The following OAT variants were observed in gnomAD, a reference collection of about 807,000 sequenced individuals.
The protein encoded by OAT is ornithine aminotransferase, mitochondrial.
Under a neutral mutation model 48.4 loss-of-function variants are expected in OAT, and 35 were observed. The ratio of observed to expected loss-of-function variants is 0.72; its 90% CI spans 0.55 to 0.96. The LOEUF is 0.96. Among genes scored for constraint, OAT ranks in the 40% least tolerant of loss-of-function variants. OAT has a pLI of 0.00. For synonymous variants in OAT, 182 were observed against 198.4 expected (o/e 0.92, Z 0.70); for missense variants, 438 against 537.9 (o/e 0.81, Z 1.84).
At chr10:124,400,285 C>A (rs942557188) in intron 9 of OAT, among the ~76,000 whole-genome samples, 3 of 149,566 alleles carry the variant, frequency 2.0e-5, no homozygotes, top group African/African-American at 7.4e-5. Flanking sequence ...CCATCTCTAC[C>A]AAAAATACAA....
chr10:124,403,900 A>G lies in OAT; in HGVS notation c.669T>C (p.Asn223=), dbSNP rs199515731. The change falls in exon 6 of 10, where the codon AAT becomes AAC. Residue 223 remains asparagine (N), a synonymous_variant. Coordinates refer to ENST00000368845, the MANE Select transcript of OAT (RefSeq NM_000274.4). ...PALERALQDP[N]VAAFMVEPIQ... is the part of the protein sequence containing the mutation. ...TTGGTTCTACCATGAACGCAGCCAC[A>G]TTTGGATCCTGAAGAGCACGCTACA... 1 of 1,614,130 alleles carries G rather than the reference A, an allele frequency of 6.2e-7. No individual in the cohort carries two copies. The highest frequency in any genetic ancestry group is 2.2e-5 in the East Asian group (1 of 44,882).
intron 4 of OAT, chr10:124,407,621 A>C (rs1400442490): frequency 1.2e-5 from 2 of 165,024 alleles, no homozygotes; most frequent in Admixed American, 1.3e-4. Flanking sequence ...TATGGGGTTT[A>C]TCATTTAACT....
chr10:124,408,733 T>C lies in OAT; in HGVS notation c.424+8A>G, dbSNP rs2134477909. The C allele has an allele frequency of 6.3e-7, 1 of 1,595,122 alleles. No homozygotes were observed. The highest frequency in any genetic ancestry group is 1.1e-5 in the South Asian group (1 of 90,596). On this transcript the variant is annotated splice_region_variant and intron_variant, in intron 3 of 9. Transcript: ENST00000368845. ...GAGGGTATTTAACAAAAAAAGGAAA[T>C]GTTTTACCTGTATTCATAGGAAGAA... is the stretch of plus-strand genomic sequence containing the variant.
intron 1 of OAT, among the ~76,000 whole-genome samples, chr10:124,418,566 C>A (rs2134515003): frequency 6.6e-6 from 1 of 152,330 alleles, no homozygotes; most frequent in Admixed American, 6.5e-5. Context: ...CCCTGCCGCC[C>A]GCCCGTCGGC....
chr10:124,410,868 C>T (rs868456187), intron 2 of OAT, among the ~76,000 whole-genome samples: 6 of 151,734 alleles, frequency 4.0e-5, no homozygotes, highest in Non-Finnish European at 5.9e-5. Flanking sequence ...TGGCGGGGCG[C>T]GGTGGCTCAC....
At chr10:124,406,848 T>C (rs1405216121) in intron 4 of OAT, 1 of 462,216 alleles carries the variant, frequency 2.2e-6, no homozygotes, top group African/African-American at 2.2e-5. Context: ...TGATCACAAC[T>C]GGCAAGATCC....
chr10:124,408,552 A>C lies in OAT; in HGVS notation c.510T>G (p.Ile170Met). ...TTTAATTTCACATACCTGCAAAAACAATCTTTGCTTTGTATTTCTGAATGC... is the reference window on the plus strand; with the variant it reads ...TTTAATTTCACATACCTGCAAAAACCATCTTTGCTTTGTATTTCTGAATGC... ...VKGIQKYKAK[I>M]VFAAGNFWGR... The change falls in exon 4 of 10, where the codon ATT becomes ATG. Residue 170 changes from isoleucine to methionine, a missense_variant. Physicochemically the swap from Ile to Met is conservative, Grantham distance 10. Coordinates refer to ENST00000368845, the MANE Select transcript of OAT (RefSeq NM_000274.4). The C allele has an allele frequency of 6.2e-7, 1 of 1,610,682 alleles. No individual in the cohort carries two copies. The highest frequency in any genetic ancestry group is 8.5e-7 in the Non-Finnish European group (1 of 1,178,698).
chr10:124,398,994 C>T (rs906232381), intron 9 of OAT, among the ~76,000 whole-genome samples: 1 of 151,380 alleles, frequency 6.6e-6, no homozygotes, highest in Non-Finnish European at 1.5e-5. Flanking sequence ...TCCAGCCTGG[C>T]GACAGACACT....
At chr10:124,398,196 A>C in intron 9 of OAT, 94 bp from the exon 10 acceptor site, 1 of 1,387,854 alleles carries the variant, frequency 7.2e-7, no homozygotes, top group Non-Finnish European at 1.0e-6. Flanking sequence ...GCAAAACAAA[A>C]TTAACAGAAC....
intron 7 of OAT, 25 bp from the exon 8 acceptor site, chr10:124,401,864 T>G (rs761158414): frequency 7.2e-6 from 11 of 1,534,054 alleles, no homozygotes; most frequent in South Asian, 2.2e-5. Context: ...ATTCACCATG[T>G]CATTTCTCAG....
intron 5 of OAT, 140 bp from the exon 6 acceptor site, chr10:124,404,060 T>A: frequency 1.1e-6 from 1 of 931,782 alleles, no homozygotes; most frequent in Non-Finnish European, 1.7e-6. Flanking sequence ...TCAAATTCAC[T>A]GCCATTCAAT....
chr10:124,397,827 A>G lies in OAT; in HGVS notation c.*115T>C. The G allele has an allele frequency of 1.6e-6, 2 of 1,252,940 alleles. No homozygotes were observed. Among genetic ancestry groups the G allele is most frequent in the South Asian group, 1.3e-5 (1 of 77,576 alleles). 77.6% of individuals were successfully genotyped at this position (1,252,940 alleles called of 1,614,324 possible). Reference sequence around the variant, plus strand: ...TCAACTGAAAAAAATATATTCAAAAAAAAAGTTTTTGAAGACTCATGGGAG... The same window carrying G: ...TCAACTGAAAAAAATATATTCAAAAGAAAAGTTTTTGAAGACTCATGGGAG... On this transcript the variant is annotated 3_prime_UTR_variant, in exon 10 of 10. Transcript: ENST00000368845.
intron 9 of OAT, 30 bp from the exon 10 acceptor site, chr10:124,398,132 C>T (rs748723444): frequency 6.2e-7 from 1 of 1,612,560 alleles, no homozygotes; most frequent in Non-Finnish European, 8.5e-7. Flanking sequence ...CGTACATGCT[C>T]AAAGATAAAC....
chr10:124,408,348 T>A (rs1250539081), intron 4 of OAT, among the ~76,000 whole-genome samples, 194 bp downstream of exon 4: 9 of 77,802 alleles, frequency 1.2e-4, no homozygotes, highest in African/African-American at 2.5e-4. Context: ...TATATATTTT[T>A]TTTTTTTTTT....
At chr10:124,411,892 T>A in intron 2 of OAT, 81 bp downstream of exon 2, 1 of 1,191,450 alleles carries the variant, frequency 8.4e-7, no homozygotes. Flanking sequence ...TAGAAAAATG[T>A]ATATTGTGAA....
rs376051303 is a variant in OAT, at chr10:124,412,049, A to G, written c.123T>C (p.Asp41=). ...ACTTATATTCCCTTTCAAAAATGTCATCAGAGGTTGGAGGGCCTTGGACTG... is the reference window on the plus strand; with the variant it reads ...ACTTATATTCCCTTTCAAAAATGTCGTCAGAGGTTGGAGGGCCTTGGACTG... ...KKTVQGPPTS[D]DIFEREYKYG... is the part of the protein sequence containing the mutation. Residue 41 remains aspartate, a synonymous_variant, in exon 2 of 10, where the codon GAT becomes GAC. Coordinates refer to ENST00000368845, the MANE Select transcript of OAT (RefSeq NM_000274.4). 36 of 1,614,086 alleles carry G rather than the reference A, an allele frequency of 2.2e-5. No individual in the cohort carries two copies. The highest frequency in any genetic ancestry group is 3.1e-5 in the Non-Finnish European group (36 of 1,180,034).
intron 4 of OAT, among the ~76,000 whole-genome samples, 197 bp downstream of exon 4, chr10:124,408,345 T>TATA (rs1951656907): frequency 3.8e-5 from 3 of 78,856 alleles, no homozygotes; most frequent in South Asian, 4.7e-4. Flanking sequence ...ATATATATAT[T>TATA]TTTTTTTTTT....
chr10:124,406,221 T>G (rs1951572357), intron 4 of OAT: 1 of 707,328 alleles, frequency 1.4e-6, no homozygotes, highest in African/African-American at 1.9e-5. Context: ...CCAGGCACAG[T>G]GGCTCACTTA....
At chr10:124,401,048 C>A in intron 8 of OAT, 64 bp from the exon 9 acceptor site, 1 of 1,195,412 alleles carries the variant, frequency 8.4e-7, no homozygotes. Flanking sequence ...TGGAGGACAA[C>A]GGGGACTGTA....
Sources: allele counts gnomAD v4.1 joint callset (sites outside exome capture counted in the v4.1 genomes callset), GRCh38; gene constraint gnomAD v4.1.1; transcripts MANE v1.5; gene names NCBI Gene and HGNC (gene_info 2026-07-23, HGNC 2026-07-21).